PRDM6: variants seen among roughly 807,000 people sequenced by gnomAD.
PRDM6 encodes PR/SET domain 6.
PRDM6 carries 25 observed loss-of-function variants against 60.8 expected under a neutral mutation model. That is an observed-to-expected ratio of 0.41 (90% CI 0.30 to 0.57). The LOEUF is 0.57. Ranked by LOEUF, PRDM6 falls within the 20% of genes least tolerant of loss-of-function variation. The pLI, the probability that PRDM6 is intolerant of heterozygous loss-of-function variation, is 0.27. For synonymous variants in PRDM6, 407 were observed against 357.4 expected (o/e 1.14, Z -1.57); for missense variants, 839 against 821.3 (o/e 1.02, Z -0.26).
chr5:123,140,161 G>T lies in PRDM6; in HGVS notation c.901-15723G>T, dbSNP rs544832341. The stretch of plus-strand genomic sequence containing the variant: ...GCGGCTTATGAAAAAAATGGGTTAA[G>T]TTCTAAGATGTAGTAACATCTTTAA... On this transcript the variant is annotated intron_variant, in intron 3 of 7. Coordinates refer to ENST00000407847, the MANE Select transcript of PRDM6 (RefSeq NM_001136239.4). 1.3e-3 allele frequency among the ~76,000 whole-genome samples: 191 copies of T among 151,820 alleles called. 1 individual carries two copies. The highest frequency in any genetic ancestry group is 1.2e-3 in the Non-Finnish European group (84 of 67,968).
intron 5 of PRDM6, among the ~76,000 whole-genome samples, chr5:123,168,357 A>G (rs1765806921): frequency 6.6e-6 from 1 of 152,210 alleles, no homozygotes; most frequent in Non-Finnish European, 1.5e-5. Flanking sequence ...TTCGAAACAC[A>G]GCTATTGAGC....
Position 123,143,148 on chromosome 5 carries a change from A to AGTGTGT in PRDM6, c.901-12711_901-12706dup, listed in dbSNP as rs139092433. 2.0e-3 allele frequency among the ~76,000 whole-genome samples: 297 copies of AGTGTGT among 145,976 alleles called. 1 individual carries two copies. Among genetic ancestry groups the AGTGTGT allele is most frequent in the African/African-American group, 6.0e-3 (235 of 39,442 alleles). On this transcript the variant is annotated intron_variant, in intron 3 of 7. Transcript: ENST00000407847. ...TATGGGATTTGGCAGTAGTTTTTAA[A>AGTGTGT]GTGTGTGTGTGTGTGTGTGTGTGTG...
intron 6 of PRDM6, among the ~76,000 whole-genome samples, chr5:123,178,032 G>A (rs1383259591): frequency 6.6e-6 from 1 of 151,998 alleles, no homozygotes; most frequent in Non-Finnish European, 1.5e-5. Context: ...AATCCGATTT[G>A]CCTTCCATTG....
At chr5:123,132,950 A>C (rs771018800) in intron 3 of PRDM6, among the ~76,000 whole-genome samples, 1 of 152,090 alleles carries the variant, frequency 6.6e-6, no homozygotes, top group Non-Finnish European at 1.5e-5. Context: ...TATCATGAAG[A>C]CTATTCTCTG....
intron 2 of PRDM6, among the ~76,000 whole-genome samples, chr5:123,096,438 T>G (rs1763961424): frequency 6.6e-6 from 1 of 152,220 alleles, no homozygotes; most frequent in South Asian, 2.1e-4. Context: ...TTACTTGTTT[T>G]TAATATCCTC....
intron 4 of PRDM6, among the ~76,000 whole-genome samples, chr5:123,158,715 A>G (rs906784232): frequency 2.0e-5 from 3 of 150,546 alleles, no homozygotes; most frequent in African/African-American, 7.3e-5. Flanking sequence ...TCCTTACAGA[A>G]AGGAGAAATT....
At chr5:123,133,166 A>C (rs1388711619) in intron 3 of PRDM6, among the ~76,000 whole-genome samples, 1 of 152,130 alleles carries the variant, frequency 6.6e-6, no homozygotes, top group African/African-American at 2.4e-5. Context: ...TAATTACTTG[A>C]TTGCAGACAT....
chr5:123,168,402 A>G (rs1765808779), intron 5 of PRDM6, among the ~76,000 whole-genome samples: 2 of 152,142 alleles, frequency 1.3e-5, no homozygotes, highest in Admixed American at 1.3e-4. Flanking sequence ...GAAAAAAAAA[A>G]TTCTGTCTTA....
intron 3 of PRDM6, among the ~76,000 whole-genome samples, chr5:123,139,526 G>A (rs1361622330): frequency 1.3e-5 from 2 of 152,088 alleles, no homozygotes; most frequent in Non-Finnish European, 2.9e-5. Context: ...GTGTGTGTGT[G>A]TGTATTTTAG....
Position 123,156,005 on chromosome 5 carries a change from A to G in PRDM6, c.1022A>G (p.Gln341Arg). The G allele has an allele frequency of 6.4e-7, 1 of 1,550,966 alleles. No individual in the cohort carries two copies. Among genetic ancestry groups the G allele is most frequent in the Non-Finnish European group, 8.7e-7 (1 of 1,146,634 alleles). Residue 341 changes from glutamine to arginine, a missense_variant, in exon 4 of 8, where the codon CAG becomes CGG. This residue lies in a region of PRDM6 where 730 missense variants were observed against 648.8 expected (regional missense o/e 1.13). Coordinates refer to ENST00000407847, the MANE Select transcript of PRDM6 (RefSeq NM_001136239.4). ...GGAGAACAGAATCTAACAGTAGTTCAGTACAGGTAAAGTATATCTTGATTT... is the reference window on the plus strand; with the variant it reads ...GGAGAACAGAATCTAACAGTAGTTCGGTACAGGTAAAGTATATCTTGATTT... ...HCGEQNLTVV[Q>R]YRSNIFYRAC...
chr5:123,091,037 T>C (rs1220494291), intron 2 of PRDM6, among the ~76,000 whole-genome samples: 1 of 152,090 alleles, frequency 6.6e-6, no homozygotes, highest in African/African-American at 2.4e-5. Flanking sequence ...TCAGCGTCTC[T>C]GGGGAGCACG....
At chr5:123,109,133 A>G (rs75883588) in intron 3 of PRDM6, among the ~76,000 whole-genome samples, 2,911 of 152,272 alleles carry the variant, frequency 0.019, 83 homozygotes, top group African/African-American at 0.066. Flanking sequence ...TGAGGAGATT[A>G]TAATGGTCTC....
At chr5:123,179,498 C>T (rs571169516) in intron 6 of PRDM6, among the ~76,000 whole-genome samples, 4 of 152,298 alleles carry the variant, frequency 2.6e-5, no homozygotes, top group Admixed American at 1.3e-4. Flanking sequence ...TGTGCAATAC[C>T]AGTGATTATG....
At chr5:123,100,936 G>T (rs914600757) in intron 3 of PRDM6, among the ~76,000 whole-genome samples, 1 of 152,168 alleles carries the variant, frequency 6.6e-6, no homozygotes, top group Non-Finnish European at 1.5e-5. Context: ...ATGTAAATCT[G>T]ACTAACTGGG....
In PRDM6 at chr5:123,090,280, C is replaced by T. The variant is rs767067488; in HGVS notation, c.266C>T (p.Ser89Phe). 6 of 1,487,758 alleles carry T rather than the reference C, an allele frequency of 4.0e-6. No homozygotes were observed. The South Asian group carries it at 6.3e-5, about 16-fold the overall frequency. The allele number at this position is 1,487,758 out of a possible 1,614,324, so 92.2% of individuals were successfully genotyped here. Reference sequence around the variant, plus strand: ...TCCACGCCGGCTTCCTCTTCCACCTCCGCCTCCTCCGCCTCCTCCTGCGCT... The same window carrying T: ...TCCACGCCGGCTTCCTCTTCCACCTTCGCCTCCTCCGCCTCCTCCTGCGCT... ...ASSTPASSST[S>F]ASSASSCAAA... Residue 89 changes from serine to phenylalanine, a missense_variant, in exon 2 of 8, where the codon TCC (serine) becomes TTC (phenylalanine). This residue lies in a region of PRDM6 where 730 missense variants were observed against 648.8 expected (regional missense o/e 1.13). Coordinates refer to ENST00000407847, the MANE Select transcript of PRDM6 (RefSeq NM_001136239.4).
intron 3 of PRDM6, among the ~76,000 whole-genome samples, chr5:123,140,810 A>C (rs568970336): frequency 5.3e-5 from 8 of 152,250 alleles, no homozygotes; most frequent in Middle Eastern, 3.4e-3. Context: ...ACTCTTGCTG[A>C]GACTTAGGCT....
intron 3 of PRDM6, among the ~76,000 whole-genome samples, chr5:123,121,737 C>A (rs1284467384): frequency 6.6e-6 from 1 of 152,132 alleles, no homozygotes; most frequent in East Asian, 1.9e-4. Context: ...TCCTTCCCCC[C>A]CAAATATTTT....
chr5:123,172,474 C>A (rs920268571), intron 6 of PRDM6, among the ~76,000 whole-genome samples: 1 of 152,046 alleles, frequency 6.6e-6, no homozygotes. Flanking sequence ...GTACTATTGG[C>A]GTAGAGGTGA....
rs142807995 is a variant in PRDM6 at position 123,134,212 on chromosome 5, G to C, written c.901-21672G>C. ...ATTTAAATAATGCTTTTCCCAGCAT[G>C]ATTTTATTACTACATTTGAGTTCCT... is the stretch of plus-strand genomic sequence containing the variant. On this transcript the variant is annotated intron_variant, in intron 3 of 7. Coordinates refer to ENST00000407847, the MANE Select transcript of PRDM6 (RefSeq NM_001136239.4). 8.9e-3 allele frequency among the ~76,000 whole-genome samples: 1,356 copies of C among 152,168 alleles called. 25 individuals are homozygous for C. Among genetic ancestry groups the C allele is most frequent in the African/African-American group, 0.031 (1,290 of 41,536 alleles).
Sources: allele counts gnomAD v4.1 joint callset (sites outside exome capture counted in the v4.1 genomes callset), GRCh38; gene constraint gnomAD v4.1.1; regional missense constraint gnomAD v4.1.1; transcripts MANE v1.5; gene names NCBI Gene and HGNC (gene_info 2026-07-23, HGNC 2026-07-21).